The following DYNC2H1 variants were observed in gnomAD, a reference collection of about 807,000 sequenced individuals.
DYNC2H1 encodes dynein cytoplasmic 2 heavy chain 1, also known as cytoplasmic dynein 2 heavy chain 1.
In DYNC2H1, 410 loss-of-function variants were observed where a neutral mutation model predicts 570.0. That is an observed-to-expected ratio of 0.72 (90% CI 0.66 to 0.78). The LOEUF (loss-of-function observed/expected upper bound fraction) is 0.78. Ranked by LOEUF, DYNC2H1 falls within the 30% of genes least tolerant of loss-of-function variation. DYNC2H1 has a pLI of 0.00. For synonymous variants in DYNC2H1, 1,688 were observed against 1,677.6 expected (o/e 1.01, Z -0.15); for missense variants, 4,865 against 5,046.4 (o/e 0.96, Z 1.09).
At chr11:103,412,158 A>C (rs77097080) in intron 84 of DYNC2H1, among the ~76,000 whole-genome samples, 9 of 104,220 alleles carry the variant, frequency 8.6e-5, no homozygotes, top group Non-Finnish European at 1.5e-4. Flanking sequence ...ATTTTTGTTA[A>C]ATTTTTGTTA....
rs779160401 is a variant in DYNC2H1 at position 103,192,206 on chromosome 11, C to A, written c.7650C>A (p.Ile2550=). 1.3e-6 allele frequency: 2 copies of A among 1,590,704 alleles called. No homozygotes were observed. The highest frequency in any genetic ancestry group is 1.7e-6 in the Non-Finnish European group (2 of 1,165,716). The change falls in exon 47 of 89, where the codon ATC becomes ATA. Residue 2550 remains isoleucine (I), a synonymous_variant. Coordinates refer to ENST00000375735, the MANE Select transcript of DYNC2H1 (RefSeq NM_001377.3). ...VGAKELHLFD[I]ILTSVFQGDW... is the part of the protein sequence containing the mutation. ...CAAAGGAACTTCATTTATTTGACAT[C>A]ATTTTAACATCAGTGTTTCAAGGAG...
At chr11:103,160,859 A>G (rs926739106) in intron 28 of DYNC2H1, 73 bp from the exon 29 acceptor site, 5 of 782,596 alleles carry the variant, frequency 6.4e-6, no homozygotes, top group African/African-American at 5.4e-5. Context: ...TATTAACACT[A>G]TGTGACACAT....
At chr11:103,219,556 G>A (rs1299886222) in intron 55 of DYNC2H1, among the ~76,000 whole-genome samples, 1 of 152,212 alleles carries the variant, frequency 6.6e-6, no homozygotes, top group Non-Finnish European at 1.5e-5. Flanking sequence ...AGGTTGAAGT[G>A]AGCTGAGACT....
At chr11:103,397,941 G>A (rs187630936) in intron 83 of DYNC2H1, among the ~76,000 whole-genome samples, 312 of 152,252 alleles carry the variant, frequency 2.0e-3, no homozygotes, top group African/African-American at 7.0e-3. Flanking sequence ...TATTTTCTTG[G>A]ATTGTAGATA....
At chr11:103,312,842 C>T (rs11225694) in intron 79 of DYNC2H1, among the ~76,000 whole-genome samples, 47,657 of 152,016 alleles carry the variant, frequency 0.31, 7,879 homozygotes, top group Non-Finnish European at 0.36. Context: ...TCAGTTCTTC[C>T]CAATAAAAGC....
chr11:103,207,477 C>T (rs1231296812), intron 52 of DYNC2H1, among the ~76,000 whole-genome samples: 3 of 151,834 alleles, frequency 2.0e-5, no homozygotes, highest in African/African-American at 7.3e-5. Context: ...GGGGATAGAT[C>T]CAGGTAGGTG....
chr11:103,399,836 A>T lies in DYNC2H1; in HGVS notation c.12330A>T (p.Glu4110Asp). 6.2e-7 allele frequency: 1 copy of T among 1,613,860 alleles called. No individual in the cohort carries two copies. Among genetic ancestry groups the T allele is most frequent in the South Asian group, 1.1e-5 (1 of 91,038 alleles). ...VIRGTTLLSS[E>D]VQKLASALLN... ...GAGGAACTACTTTACTGAGTTCAGA[A>T]GTACAAAAATTGGCAAGTGCTTTAT... The change falls in exon 84 of 89, where the codon GAA (glutamate) becomes GAT (aspartate). Residue 4110 changes from glutamate to aspartate, a missense_variant. Coordinates refer to ENST00000375735, the MANE Select transcript of DYNC2H1 (RefSeq NM_001377.3).
In DYNC2H1 at chr11:103,221,576, C is replaced by T. The variant is rs188706041; in HGVS notation, c.9108-454C>T. 1.2e-4 allele frequency among the ~76,000 whole-genome samples: 19 copies of T among 152,202 alleles called. No homozygotes were observed. In the East Asian group the frequency reaches 2.5e-3, roughly 20 times the overall value. ...ATCTCTCTAGAGTTTTTGTTGTCTA[C>T]GAAAAGTCGATAATACAGCTGGGCA... On this transcript the variant is annotated intron_variant, in intron 57 of 88. Coordinates refer to ENST00000375735, the MANE Select transcript of DYNC2H1 (RefSeq NM_001377.3).
Position 103,189,613 on chromosome 11 carries a change from A to C in DYNC2H1, c.7293-59A>C. 6.5e-7 allele frequency: 1 copy of C among 1,539,688 alleles called. No homozygotes were observed. The highest frequency in any genetic ancestry group is 1.4e-5 in the African/African-American group (1 of 73,334). On this transcript the variant is annotated intron_variant, in intron 44 of 88. Coordinates refer to ENST00000375735, the MANE Select transcript of DYNC2H1 (RefSeq NM_001377.3). This position sits in a 1 kb window ranked among gnomAD's most constrained non-coding sequence, Gnocchi z 4.3. ...AACCACTGTTGTAACTTAACATTGA[A>C]ATATTAATTTGGAATACTGATTTAT...
chr11:103,155,343 A>G lies in DYNC2H1; in HGVS notation c.3586A>G (p.Ile1196Val). The change falls in exon 25 of 89, where the codon ATC becomes GTC. Residue 1196 changes from isoleucine (I) to valine (V), a missense_variant. Around this residue, in one of 5 missense-constraint regions of DYNC2H1, gnomAD observed 1,936 missense variants for 1,962.1 expected, o/e 0.99. Coordinates refer to ENST00000375735, the MANE Select transcript of DYNC2H1 (RefSeq NM_001377.3). ...EVDKYKIVIP[I>V]LKYVRGEHLS... ...TTTTTTGTAACAGATCGTAATTCCTATCTTGAAATATGTGAGAGGGGAGCA... is the reference window on the plus strand; with the variant it reads ...TTTTTTGTAACAGATCGTAATTCCTGTCTTGAAATATGTGAGAGGGGAGCA... 6.3e-7 allele frequency: 1 copy of G among 1,599,542 alleles called. No homozygotes were observed.
intron 10 of DYNC2H1, 22 bp downstream of exon 10, chr11:103,121,518 G>A (rs375020191): frequency 3.0e-5 from 48 of 1,608,466 alleles, no homozygotes; most frequent in Non-Finnish European, 3.6e-5. Flanking sequence ...AATAAAAGAT[G>A]AAGAGTACTA....
intron 82 of DYNC2H1, among the ~76,000 whole-genome samples, chr11:103,357,103 T>C (rs1940386535): frequency 6.6e-6 from 1 of 152,158 alleles, no homozygotes; most frequent in African/African-American, 2.4e-5. Flanking sequence ...TGATTTTATA[T>C]ATATAAACAC....
At chr11:103,423,035 A>G (rs1406034706) in intron 84 of DYNC2H1, among the ~76,000 whole-genome samples, 6 of 146,992 alleles carry the variant, frequency 4.1e-5, no homozygotes, top group Non-Finnish European at 8.9e-5. Context: ...CAAAAATGCA[A>G]AGGGTCTACT....
At chr11:103,463,896 A>T (rs1945103376) in intron 87 of DYNC2H1, among the ~76,000 whole-genome samples, 1 of 152,214 alleles carries the variant, frequency 6.6e-6, no homozygotes, top group African/African-American at 2.4e-5. Flanking sequence ...TATCCACGAG[A>T]TCTGCAGTAT....
intron 84 of DYNC2H1, chr11:103,404,194 C>G (rs755796356): frequency 4.6e-5 from 7 of 151,862 alleles, no homozygotes; most frequent in Non-Finnish European, 1.0e-4. Flanking sequence ...TAACCTATAA[C>G]TTAACTTTGA....
At chr11:103,437,933 A>G (rs1944121312) in intron 85 of DYNC2H1, among the ~76,000 whole-genome samples, 3 of 152,068 alleles carry the variant, frequency 2.0e-5, no homozygotes, top group Admixed American at 6.6e-5. Context: ...AATTATTGCA[A>G]TTTTCTTGCA....
intron 79 of DYNC2H1, among the ~76,000 whole-genome samples, chr11:103,315,278 A>G (rs1937760216): frequency 6.6e-6 from 1 of 152,026 alleles, no homozygotes. Flanking sequence ...GTGCACAGAT[A>G]TTTGCCTCTT....
In DYNC2H1 at chr11:103,170,294, G is replaced by A; in HGVS notation, c.5151+4G>A. ...TTTAGTCTTTAATTGTGATGAGGTA[G>A]AATAAATAATTATCAAAATATGTAA... On this transcript the variant is annotated splice_donor_region_variant and intron_variant, in intron 33 of 88. Transcript: ENST00000375735. The surrounding 1 kb of genome is among the most constrained non-coding windows in gnomAD (Gnocchi z 4.8). 3 of 1,555,538 alleles carry A rather than the reference G, an allele frequency of 1.9e-6. No homozygotes were observed. Among genetic ancestry groups the A allele is most frequent in the East Asian group, 4.7e-5 (2 of 42,588 alleles).
In DYNC2H1 at chr11:103,446,887, TAAGAGGAGACC is replaced by T. The variant is rs1289545677; in HGVS notation, c.12457-8298_12457-8288del. ...ATAGTTATAAATTATTATTAATAAT[TAAGAGGAGACC>T]TATAAGTAGGTGGACATTATAAATT... On this transcript the variant is annotated intron_variant, in intron 85 of 88. Coordinates refer to ENST00000375735, the MANE Select transcript of DYNC2H1 (RefSeq NM_001377.3). The surrounding 1 kb of genome is among the most constrained non-coding windows in gnomAD (Gnocchi z 4.5). Among the ~76,000 whole-genome samples, 6 of 152,082 alleles carry T rather than the reference TAAGAGGAGACC, an allele frequency of 3.9e-5. No individual in the cohort carries two copies. Among genetic ancestry groups the T allele is most frequent in the Non-Finnish European group, 8.8e-5 (6 of 68,002 alleles).
Sources: gnomAD v4.1 joint callset for allele counts (sites outside exome capture counted in the v4.1 genomes callset) on GRCh38, gnomAD v4.1.1 for gene constraint, gnomAD v4.1.1 regional missense constraint, Gnocchi (gnomAD v3.1) non-coding constraint, MANE v1.5 for transcripts, NCBI Gene and HGNC (gene_info 2026-07-23, HGNC 2026-07-21) for gene names.